CCDC73: variants seen among roughly 807,000 people sequenced by gnomAD.
The protein encoded by CCDC73 is coiled-coil domain containing 73.
In CCDC73, 95 loss-of-function variants were observed where a neutral mutation model predicts 116.5. That is an observed-to-expected ratio of 0.82 (90% CI 0.69 to 0.97). The LOEUF is 0.97. Among genes scored for constraint, CCDC73 ranks in the 50% least tolerant of loss-of-function variants. The pLI is 0.00. For missense variants in CCDC73, 1,066 were observed against 1,206.8 expected (o/e 0.88, Z 1.73); for synonymous variants, 398 against 401.3 (o/e 0.99, Z 0.10).
chr11:32,728,835 G>A (rs957092783), intron 2 of CCDC73, among the ~76,000 whole-genome samples: 52 of 152,196 alleles, frequency 3.4e-4, no homozygotes, highest in African/African-American at 1.2e-3. Flanking sequence ...CTCCCAAGTA[G>A]CTGGGACTAC....
intron 1 of CCDC73, among the ~76,000 whole-genome samples, chr11:32,761,548 T>G (rs1250351597): frequency 6.6e-6 from 1 of 152,178 alleles, no homozygotes; most frequent in African/African-American, 2.4e-5. Context: ...CCATTTTCCA[T>G]TCCCACTGGC....
chr11:32,781,367 C>T (rs149149527), intron 1 of CCDC73, among the ~76,000 whole-genome samples: 120 of 152,172 alleles, frequency 7.9e-4, no homozygotes, highest in African/African-American at 2.7e-3. Context: ...TTTTGGCAGA[C>T]AGATAAAAAA....
At chr11:32,656,316 T>C (rs1397346818) in intron 9 of CCDC73, among the ~76,000 whole-genome samples, 1 of 151,948 alleles carries the variant, frequency 6.6e-6, no homozygotes, top group Non-Finnish European at 1.5e-5. Flanking sequence ...CCTGACCTTC[T>C]GATCCGCCCG....
intron 1 of CCDC73, among the ~76,000 whole-genome samples, chr11:32,765,692 C>T (rs542441324): frequency 2.0e-5 from 3 of 152,288 alleles, no homozygotes; most frequent in African/African-American, 4.8e-5. Flanking sequence ...CCTAACATCA[C>T]AATTAAAAGA....
At chr11:32,794,265 T>C (rs1289264256) in intron 1 of CCDC73, 3 of 151,486 alleles carry the variant, frequency 2.0e-5, no homozygotes, top group Non-Finnish European at 4.4e-5. Flanking sequence ...AAATATGAGG[T>C]TTAAAACAAA....
At chr11:32,620,543 G>A (rs57375746) in intron 14 of CCDC73, among the ~76,000 whole-genome samples, 12,485 of 148,250 alleles carry the variant, frequency 0.084, 604 homozygotes, top group South Asian at 0.11. Flanking sequence ...CCTGGGAGGC[G>A]GAGCTTGCAG....
At chr11:32,814,973 TA>T in the CCDC73 span, among the ~76,000 whole-genome samples, 1 of 152,252 alleles carries the variant, frequency 6.6e-6, no homozygotes, top group Admixed American at 6.5e-5. Flanking sequence ...ATGTTCAGAA[TA>T]GCCAAATCCA....
At chr11:32,811,486 T>A in the CCDC73 span, among the ~76,000 whole-genome samples, 1 of 152,282 alleles carries the variant, frequency 6.6e-6, no homozygotes. Context: ...ATTAGGTGTG[T>A]GTTAGTCTGT....
At chr11:32,794,257 A>C (rs376048667) in intron 1 of CCDC73, 3 of 152,214 alleles carry the variant, frequency 2.0e-5, no homozygotes, top group East Asian at 3.8e-4. Flanking sequence ...CATAAGGCAA[A>C]TATGAGGTTT....
chr11:32,645,088 A>T (rs1232985224), intron 12 of CCDC73, among the ~76,000 whole-genome samples: 6 of 152,130 alleles, frequency 3.9e-5, no homozygotes, highest in Non-Finnish European at 2.9e-5. Flanking sequence ...ACACAAACAC[A>T]CACATTAGCC....
intron 2 of CCDC73, chr11:32,758,471 T>C (rs938297817): frequency 1.7e-5 from 8 of 460,120 alleles, no homozygotes; most frequent in African/African-American, 4.0e-5. Context: ...TGAGGTTATC[T>C]TGAAAAAATG....
rs766579514 is a variant in CCDC73 at position 32,613,627 on chromosome 11, T to C, written c.2691A>G (p.Lys897=). Reference sequence around the variant, plus strand: ...CTGAAAAATTCATGTATACTGGAGTTTTCTCAGTTTTTTTATCTGAAGTTG... The same window carrying C: ...CTGAAAAATTCATGTATACTGGAGTCTTCTCAGTTTTTTTATCTGAAGTTG... ...DLSTSDKKTE[K]TPVYMNFSDP... is the part of the protein sequence containing the mutation. Residue 897 remains lysine (K), a synonymous_variant, in exon 16 of 18, where the codon AAA becomes AAG. Transcript: ENST00000335185. The C allele has an allele frequency of 6.2e-7, 1 of 1,614,024 alleles. No homozygotes were observed. Among genetic ancestry groups the C allele is most frequent in the Non-Finnish European group, 8.5e-7 (1 of 1,179,944 alleles).
At chr11:32,694,984 A>C (rs950201685) in intron 6 of CCDC73, among the ~76,000 whole-genome samples, 3 of 152,196 alleles carry the variant, frequency 2.0e-5, no homozygotes, top group African/African-American at 7.2e-5. Context: ...AGTGACTTTC[A>C]AAGACCCTGA....
At chr11:32,681,536 C>A (rs550683647) in intron 7 of CCDC73, 1 of 152,080 alleles carries the variant, frequency 6.6e-6, no homozygotes, top group South Asian at 2.1e-4. Flanking sequence ...TACTGAATCA[C>A]AGAAGACAGA....
chr11:32,669,806 G>A (rs949980643), intron 9 of CCDC73, among the ~76,000 whole-genome samples: 4 of 151,974 alleles, frequency 2.6e-5, no homozygotes, highest in East Asian at 1.9e-4. Flanking sequence ...ATTCTTCTTC[G>A]TGGCTGAATA....
chr11:32,649,478 A>C (rs114231394), intron 12 of CCDC73, among the ~76,000 whole-genome samples: 3,732 of 152,284 alleles, frequency 0.025, 142 homozygotes, highest in African/African-American at 0.085. Context: ...AAGACAGATG[A>C]CAGCATGATT....
intron 2 of CCDC73, among the ~76,000 whole-genome samples, chr11:32,746,499 A>T (rs28836192): frequency 0.01 from 1,576 of 152,266 alleles, 26 homozygotes; most frequent in African/African-American, 0.036. Flanking sequence ...GAAGTTCTCC[A>T]GGATAATATC....
At position 32,767,014 on chromosome 11, in the gene CCDC73, G is replaced by T. The variant is rs549337789; in HGVS notation, c.-15-6756C>A. Among the ~76,000 whole-genome samples, 8 of 152,210 alleles carry T rather than the reference G, an allele frequency of 5.3e-5. No individual in the cohort carries two copies. The South Asian group carries it at 1.7e-3, about 32-fold the overall frequency. On this transcript the variant is annotated intron_variant, in intron 1 of 17. Transcript: ENST00000335185. ...TCAAAGAAGAGCTCGCATTGCCAAG[G>T]CAATCCTAAGCCAAAAGAACAAAGC...
At chr11:32,758,573 G>T (rs552390543) in intron 2 of CCDC73, 56 of 440,178 alleles carry the variant, frequency 1.3e-4, no homozygotes, top group South Asian at 9.1e-4. Flanking sequence ...GAAAATCCTT[G>T]TGAAAGTGTT....
Sources: allele counts gnomAD v4.1 joint callset (sites outside exome capture counted in the v4.1 genomes callset), GRCh38; gene constraint gnomAD v4.1.1; transcripts MANE v1.5; gene names NCBI Gene and HGNC (gene_info 2026-07-23, HGNC 2026-07-21).